Variants in SPON1 observed in about 807,000 individuals in gnomAD.
SPON1 encodes spondin-1.
SPON1 carries 52 observed loss-of-function variants against 111.7 expected under a neutral mutation model. That is an observed-to-expected ratio of 0.47 (90% CI 0.37 to 0.59). SPON1 has a LOEUF of 0.59. SPON1 is among the 20% of genes least tolerant of loss of function. The pLI, the probability that SPON1 is intolerant of heterozygous loss-of-function variation, is 0.00. For synonymous variants in SPON1, 410 were observed against 395.8 expected, an observed-to-expected ratio of 1.04 and a Z score of -0.43; for missense variants, 957 against 1,068.5, an observed-to-expected ratio of 0.90 and a Z score of 1.46.
At chr11:14,128,652 C>T (rs1554927244) in intron 5 of SPON1, among the ~76,000 whole-genome samples, 1 of 152,246 alleles carries the variant, frequency 6.6e-6, no homozygotes, top group African/African-American at 2.4e-5. Flanking sequence ...CTCCACTAGA[C>T]AGTGTCCCAG....
Position 14,071,377 on chromosome 11 carries a change from G to A in SPON1, c.480-3968G>A, listed in dbSNP as rs148833881. 1.6e-3 allele frequency among the ~76,000 whole-genome samples: 240 copies of A among 152,160 alleles called. 4 individuals carry two copies. The highest frequency in any genetic ancestry group is 5.3e-3 in the African/African-American group (219 of 41,512). On this transcript the variant is annotated intron_variant, in intron 3 of 15. Coordinates refer to ENST00000576479, the MANE Select transcript of SPON1 (RefSeq NM_006108.4). ...CAGTTTGACTCTCACTCTCAACTCT[G>A]CACGCTTTCCCTGGGTGACATCAGC...
intron 6 of SPON1, among the ~76,000 whole-genome samples, chr11:14,240,420 A>C (rs1211526463): frequency 6.6e-6 from 1 of 152,242 alleles, no homozygotes; most frequent in Non-Finnish European, 1.5e-5. Flanking sequence ...CACTAGATGA[A>C]AAGATTTACA....
intron 2 of SPON1, among the ~76,000 whole-genome samples, chr11:13,983,441 G>A (rs1223333396): frequency 2.6e-5 from 4 of 152,198 alleles, no homozygotes; most frequent in Non-Finnish European, 5.9e-5. Flanking sequence ...AAATGAACAG[G>A]GCCGAGTTTA....
intron 6 of SPON1, among the ~76,000 whole-genome samples, chr11:14,160,299 TAA>T (rs71041580): frequency 0.4 from 55,386 of 139,784 alleles, 11,220 homozygotes; most frequent in East Asian, 0.55. Flanking sequence ...AAAATATCAC[TAA>T]GTCAAAAATA....
chr11:14,027,009 T>A (rs568368463), intron 2 of SPON1, among the ~76,000 whole-genome samples: 31 of 152,290 alleles, frequency 2.0e-4, no homozygotes, highest in African/African-American at 6.0e-4. Flanking sequence ...AGAGGCAAGA[T>A]GATAAGCTTG....
chr11:14,003,035 G>A (rs1042253450), intron 2 of SPON1, among the ~76,000 whole-genome samples: 1 of 152,056 alleles, frequency 6.6e-6, no homozygotes, highest in Non-Finnish European at 1.5e-5. Flanking sequence ...AATGGCTCTT[G>A]AGTCTTGACA....
At chr11:14,089,233 A>AT (rs1849030803) in intron 5 of SPON1, among the ~76,000 whole-genome samples, 1 of 151,960 alleles carries the variant, frequency 6.6e-6, no homozygotes, top group Non-Finnish European at 1.5e-5. Context: ...AATTTTCAGC[A>AT]TTTTTGCATT....
chr11:14,186,880 C>T (rs190129678), intron 6 of SPON1, among the ~76,000 whole-genome samples: 62 of 152,316 alleles, frequency 4.1e-4, no homozygotes, highest in African/African-American at 1.5e-3. Context: ...CTTTTACCCC[C>T]ATTTTGCAGG....
At chr11:13,975,408 A>G (rs1490759302) in intron 1 of SPON1, among the ~76,000 whole-genome samples, 1 of 152,256 alleles carries the variant, frequency 6.6e-6, no homozygotes, top group African/African-American at 2.4e-5. Flanking sequence ...TCATTCATTC[A>G]ACAAGTATAT....
chr11:13,972,167 G>A (rs1472733017), intron 1 of SPON1, among the ~76,000 whole-genome samples: 1 of 152,166 alleles, frequency 6.6e-6, no homozygotes, highest in Non-Finnish European at 1.5e-5. Flanking sequence ...TCTGTTAGGG[G>A]CAGGACATGA....
At chr11:14,250,877 A>T (rs1208525907) in intron 7 of SPON1, among the ~76,000 whole-genome samples, 1 of 152,248 alleles carries the variant, frequency 6.6e-6, no homozygotes, top group Non-Finnish European at 1.5e-5. Flanking sequence ...AGGTCAAAGG[A>T]AATACAAGAG....
chr11:14,236,362 A>G (rs1041606032), intron 6 of SPON1, among the ~76,000 whole-genome samples: 1 of 152,128 alleles, frequency 6.6e-6, no homozygotes, highest in Non-Finnish European at 1.5e-5. Context: ...AACTGAAAGT[A>G]CGGCATTGCC....
At chr11:14,015,731 T>C (rs539347071) in intron 2 of SPON1, among the ~76,000 whole-genome samples, 36 of 152,310 alleles carry the variant, frequency 2.4e-4, no homozygotes, top group African/African-American at 8.4e-4. Flanking sequence ...CAAGAAACTA[T>C]TGGAGGTAAG....
chr11:14,184,640 C>T (rs568730771), intron 6 of SPON1, among the ~76,000 whole-genome samples: 1 of 152,286 alleles, frequency 6.6e-6, no homozygotes, highest in East Asian at 1.9e-4. Context: ...GCTGTTCCAA[C>T]CCATTCCTTT....
chr11:14,240,879 A>G (rs1346940417), intron 6 of SPON1, among the ~76,000 whole-genome samples: 1 of 152,232 alleles, frequency 6.6e-6, no homozygotes, highest in Non-Finnish European at 1.5e-5. Flanking sequence ...CTGGCTTGCC[A>G]TAATTTGAAG....
At position 14,267,303 on chromosome 11, in the gene SPON1, C is replaced by G. The variant is rs981610737; in HGVS notation, c.*1616C>G. The G allele has an allele frequency of 6.6e-6, 1 of 152,158 alleles. No individual in the cohort carries two copies. The highest frequency in any genetic ancestry group is 2.4e-5 in the African/African-American group (1 of 41,430). The allele number at this position is 152,158 out of a possible 1,614,324, so 9.4% of individuals were successfully genotyped here. ...TTTTCAATAAAAGATAGGGCTTTTGCTCCCTTGTTCTTGGAGGGACCATTA... is the reference window on the plus strand; with the variant it reads ...TTTTCAATAAAAGATAGGGCTTTTGGTCCCTTGTTCTTGGAGGGACCATTA... On this transcript the variant is annotated 3_prime_UTR_variant, in exon 16 of 16. Coordinates refer to ENST00000576479, the MANE Select transcript of SPON1 (RefSeq NM_006108.4).
intron 5 of SPON1, among the ~76,000 whole-genome samples, chr11:14,101,747 T>G (rs995928704): frequency 5.3e-5 from 8 of 152,220 alleles, no homozygotes; most frequent in African/African-American, 7.2e-5. Flanking sequence ...GAGAAGTTCC[T>G]CAGTTTTATC....
At chr11:14,183,256 C>A (rs1848253429) in intron 6 of SPON1, among the ~76,000 whole-genome samples, 1 of 152,078 alleles carries the variant, frequency 6.6e-6, no homozygotes, top group Non-Finnish European at 1.5e-5. Context: ...AGGTTGAATT[C>A]AATTTTGGAG....
Position 14,136,054 on chromosome 11 carries a change from T to G in SPON1, c.825+486T>G, listed in dbSNP as rs538785004. On this transcript the variant is annotated intron_variant, in intron 6 of 15. Transcript: ENST00000576479. ...GAGGCATCTTCTGTGTCCTATGCTG[T>G]GTGGGCCCAGGAGCAGTCCCACTCT... Among the ~76,000 whole-genome samples, 7 of 152,316 alleles carry G rather than the reference T, an allele frequency of 4.6e-5. No homozygotes were observed. In the South Asian group the frequency reaches 1.5e-3, roughly 32 times the overall value.
Sources: gnomAD v4.1 joint callset for allele counts (sites outside exome capture counted in the v4.1 genomes callset) on GRCh38, gnomAD v4.1.1 for gene constraint, MANE v1.5 for transcripts, NCBI Gene and HGNC (gene_info 2026-07-23, HGNC 2026-07-21) for gene names.